FRMD5: variants seen among roughly 807,000 people sequenced by gnomAD.
The protein encoded by FRMD5 is FERM domain-containing protein 5.
Under a neutral mutation model 69.0 loss-of-function variants are expected in FRMD5, and 20 were observed. That is an observed-to-expected ratio of 0.29 (90% CI 0.20 to 0.42). FRMD5 has a LOEUF of 0.42. Ranked by LOEUF, FRMD5 falls within the 10% of genes least tolerant of loss-of-function variation. The pLI is 1.00. For synonymous variants in FRMD5, 271 were observed against 260.1 expected (o/e 1.04, Z -0.40); for missense variants, 595 against 708.6 (o/e 0.84, Z 1.82).
intron 1 of FRMD5, among the ~76,000 whole-genome samples, chr15:43,961,441 C>T (rs1297722700): frequency 6.6e-6 from 1 of 152,116 alleles, no homozygotes; most frequent in African/African-American, 2.4e-5. Context: ...AAGTCCAGGA[C>T]CAGATGGATT....
At chr15:44,079,437 T>C (rs1893906440) in intron 1 of FRMD5, among the ~76,000 whole-genome samples, 1 of 152,152 alleles carries the variant, frequency 6.6e-6, no homozygotes, top group South Asian at 2.1e-4. Context: ...CTACCTGGCC[T>C]GTAGTCCCAA....
intron 1 of FRMD5, among the ~76,000 whole-genome samples, chr15:43,979,173 A>G (rs1006476332): frequency 6.6e-6 from 1 of 152,038 alleles, no homozygotes; most frequent in African/African-American, 2.4e-5. Flanking sequence ...CCCCATCTCT[A>G]CCAAAAAAAT....
At chr15:44,058,005 A>G (rs755302843) in intron 1 of FRMD5, among the ~76,000 whole-genome samples, 5 of 152,190 alleles carry the variant, frequency 3.3e-5, no homozygotes, top group Non-Finnish European at 7.3e-5. Context: ...AAATACATCT[A>G]TAACCTAATC....
At chr15:44,041,396 A>G (rs913296269) in intron 1 of FRMD5, among the ~76,000 whole-genome samples, 3 of 152,176 alleles carry the variant, frequency 2.0e-5, no homozygotes, top group Non-Finnish European at 1.5e-5. Context: ...CATTCTGCTC[A>G]GCACCACATT....
At chr15:44,067,134 A>C (rs1303859682) in intron 1 of FRMD5, among the ~76,000 whole-genome samples, 1 of 152,168 alleles carries the variant, frequency 6.6e-6, no homozygotes, top group Non-Finnish European at 1.5e-5. Context: ...GTGAAAATAC[A>C]TGGAAACTTA....
rs189251210 is a variant in FRMD5 at position 43,906,823 on chromosome 15, G to T, written c.428-872C>A. Among the ~76,000 whole-genome samples, 66 of 150,016 alleles carry T rather than the reference G, an allele frequency of 4.4e-4. No homozygotes were observed. The South Asian group carries it at 0.012, about 28-fold the overall frequency. ...TCACCGTGTTAGCCAGGATGGTCTC[G>T]ATCTCCTGACCTCGTGATCCGCCCG... On this transcript the variant is annotated intron_variant, in intron 5 of 13. Coordinates refer to ENST00000417257, the MANE Select transcript of FRMD5 (RefSeq NM_032892.5).
intron 1 of FRMD5, among the ~76,000 whole-genome samples, chr15:43,976,138 G>A (rs2090459241): frequency 1.3e-5 from 2 of 148,148 alleles, no homozygotes; most frequent in Admixed American, 1.3e-4. Context: ...ACTTAAAGTG[G>A]ATCATAGACC....
intron 1 of FRMD5, among the ~76,000 whole-genome samples, chr15:44,112,228 T>C (rs942182094): frequency 6.6e-6 from 1 of 152,220 alleles, no homozygotes; most frequent in Non-Finnish European, 1.5e-5. Context: ...AGTTGTGCTA[T>C]ATTGCTTAAG....
At chr15:44,012,947 G>C (rs1211036876) in intron 1 of FRMD5, among the ~76,000 whole-genome samples, 1 of 149,268 alleles carries the variant, frequency 6.7e-6, no homozygotes, top group African/African-American at 2.4e-5. Context: ...TGTATTTTTA[G>C]TAATGGTGGG....
intron 1 of FRMD5, among the ~76,000 whole-genome samples, chr15:44,128,297 T>C (rs1399921825): frequency 1.3e-5 from 2 of 152,138 alleles, no homozygotes; most frequent in Non-Finnish European, 2.9e-5. Context: ...CTGGCCAACA[T>C]GGCGAAACCC....
intron 1 of FRMD5, among the ~76,000 whole-genome samples, chr15:44,185,736 T>C (rs1457763468): frequency 6.6e-6 from 1 of 151,340 alleles, no homozygotes; most frequent in East Asian, 1.9e-4. Flanking sequence ...GAGGTTGCAA[T>C]GAGCCGACAT....
intron 1 of FRMD5, among the ~76,000 whole-genome samples, chr15:44,097,879 T>G (rs1350624028): frequency 1.3e-5 from 2 of 152,130 alleles, no homozygotes; most frequent in Non-Finnish European, 1.5e-5. Context: ...TTTCAAAAAT[T>G]TGCATGCAAT....
intron 1 of FRMD5, chr15:44,063,671 G>C: frequency 2.4e-6 from 1 of 410,842 alleles, no homozygotes; most frequent in South Asian, 2.0e-5. Context: ...TCCACCCATA[G>C]CAAGTTCCAC....
chr15:43,989,304 A>C, intron 1 of FRMD5: 2 of 785,764 alleles, frequency 2.5e-6, no homozygotes, highest in South Asian at 2.7e-5. Flanking sequence ...CTGTGTTGGC[A>C]TACGGGTCTT....
intron 1 of FRMD5, among the ~76,000 whole-genome samples, chr15:43,987,706 C>T (rs540737866): frequency 2.6e-5 from 4 of 152,082 alleles, no homozygotes; most frequent in South Asian, 2.1e-4. Context: ...TGCATCACCA[C>T]GCCTGGCTAA....
chr15:43,998,382 T>G (rs1272494487), intron 1 of FRMD5, among the ~76,000 whole-genome samples: 1 of 152,150 alleles, frequency 6.6e-6, no homozygotes, highest in African/African-American at 2.4e-5. Context: ...ACAGATGAAG[T>G]TCTCTGATGG....
chr15:44,091,246 T>C (rs2076467994), intron 1 of FRMD5, among the ~76,000 whole-genome samples: 1 of 152,240 alleles, frequency 6.6e-6, no homozygotes, highest in Admixed American at 6.5e-5. Flanking sequence ...TTTTAACCTG[T>C]TTGTGAAACA....
chr15:43,882,309 A>G (rs145501674), intron 13 of FRMD5, among the ~76,000 whole-genome samples: 1 of 152,274 alleles, frequency 6.6e-6, no homozygotes, highest in East Asian at 1.9e-4. Flanking sequence ...GATGGGTCGT[A>G]TTGAATTTCC....
intron 1 of FRMD5, among the ~76,000 whole-genome samples, chr15:44,000,382 G>C (rs1017976637): frequency 2.6e-5 from 4 of 152,050 alleles, no homozygotes; most frequent in Non-Finnish European, 5.9e-5. Context: ...ATGAACATGA[G>C]AGTGCAGACA....
Sources: allele counts gnomAD v4.1 joint callset (sites outside exome capture counted in the v4.1 genomes callset), GRCh38; gene constraint gnomAD v4.1.1; transcripts MANE v1.5; gene names NCBI Gene and HGNC (gene_info 2026-07-23, HGNC 2026-07-21).